Variants in NCAPD3 observed in about 807,000 individuals in gnomAD.
NCAPD3 encodes non-SMC condensin II complex subunit D3, also known as condensin-2 complex subunit D3.
In NCAPD3, 105 loss-of-function variants were observed where a neutral mutation model predicts 182.9. That is an observed-to-expected ratio of 0.57 (90% CI 0.49 to 0.68). The LOEUF is 0.68. NCAPD3 is among the 30% of genes least tolerant of loss of function. The pLI is 0.00. For missense variants in NCAPD3, 1,944 were observed against 1,837.0 expected, an observed-to-expected ratio of 1.06 and a Z score of -1.07; for synonymous variants, 815 against 679.9, an observed-to-expected ratio of 1.20 and a Z score of -3.09.
At chr11:134,187,733 C>T (rs373716152) in intron 16 of NCAPD3, among the ~76,000 whole-genome samples, 181 of 152,304 alleles carry the variant, frequency 1.2e-3, no homozygotes, top group African/African-American at 4.3e-3. Flanking sequence ...CCTCTGTTCT[C>T]CTGTAGCTCC....
intron 13 of NCAPD3, among the ~76,000 whole-genome samples, chr11:134,197,321 G>A (rs1944653213): frequency 1.5e-5 from 2 of 135,954 alleles, no homozygotes; most frequent in Admixed American, 8.2e-5. Flanking sequence ...CTGCTGCCCA[G>A]GATGGAGTGC....
At chr11:134,219,981 A>G (rs1471647214) in intron 2 of NCAPD3, among the ~76,000 whole-genome samples, 2 of 151,972 alleles carry the variant, frequency 1.3e-5, no homozygotes, top group African/African-American at 4.8e-5. Flanking sequence ...TTTTTAGTAG[A>G]GATGGGGTTT....
intron 13 of NCAPD3, among the ~76,000 whole-genome samples, chr11:134,196,645 C>CAAAAAAAAAAAAAAAAAAAAAA (rs998502328): frequency 1.7e-5 from 1 of 57,886 alleles, no homozygotes; most frequent in Non-Finnish European, 3.4e-5. Context: ...AACTCCATCT[C>CAAAAAAAAAAAAAAAAAAAAAA]AAAAAAAAAA....
chr11:134,218,480 C>T (rs1230707675), intron 2 of NCAPD3, among the ~76,000 whole-genome samples: 1 of 152,184 alleles, frequency 6.6e-6, no homozygotes, highest in Non-Finnish European at 1.5e-5. Flanking sequence ...TGTTAAACTT[C>T]CCAAGGATCT....
chr11:134,225,454 T>G, upstream of NCAPD3: 1 of 1,119,636 alleles, frequency 8.9e-7, no homozygotes, highest in Non-Finnish European at 1.3e-6. Context: ...GCTTGTCAAC[T>G]GCAGTCTGAG....
At chr11:134,194,860 C>A (rs1944594729) in intron 13 of NCAPD3, 122 bp from the exon 14 acceptor site, 3 of 571,404 alleles carry the variant, frequency 5.3e-6, no homozygotes, top group Non-Finnish European at 9.0e-6. Context: ...GTTTTAAATC[C>A]TAAGAAATGA....
rs756136685 is a variant in NCAPD3, at chr11:134,167,976, TAGG to T, written c.3573+17_3573+19del. On this transcript the variant is annotated intron_variant, in intron 27 of 34. Coordinates refer to ENST00000534548, the MANE Select transcript of NCAPD3 (RefSeq NM_015261.3). ...ACACTCACTTGTGAGAAGATGATCT[TAGG>T]GGAGCAACACACTCACTTGTGAGAT... 68 of 1,610,858 alleles carry T rather than the reference TAGG, an allele frequency of 4.2e-5. No homozygotes were observed. The highest frequency in any genetic ancestry group is 1.5e-4 in the Admixed American group (9 of 59,850).
At position 134,152,032 on chromosome 11, in the gene NCAPD3, T is replaced by C. The variant is rs1460346072; in HGVS notation, c.*912A>G. 1.3e-5 allele frequency: 2 copies of C among 152,254 alleles called. No individual in the cohort carries two copies. The highest frequency in any genetic ancestry group is 3.9e-4 in the East Asian group (2 of 5,194). The allele number at this position is 152,254 out of a possible 1,614,324, so 9.4% of individuals were successfully genotyped here. A position where few individuals can be genotyped will look rare whatever the true frequency, so the allele number is the denominator to read the frequency against. On this transcript the variant is annotated 3_prime_UTR_variant, in exon 35 of 35. Coordinates refer to ENST00000534548, the MANE Select transcript of NCAPD3 (RefSeq NM_015261.3). Reference sequence around the variant, plus strand: ...CAACGCACATCATCACTTTGTACTTTTGCTTTTGTAATACTGGGATTAAAA... The same window carrying C: ...CAACGCACATCATCACTTTGTACTTCTGCTTTTGTAATACTGGGATTAAAA...
intron 27 of NCAPD3, among the ~76,000 whole-genome samples, chr11:134,162,547 T>A (rs1943615636): frequency 6.6e-6 from 1 of 152,232 alleles, no homozygotes; most frequent in Non-Finnish European, 1.5e-5. Context: ...CTCCTGAAGC[T>A]GAAACTACTC....
At chr11:134,206,282 T>C (rs549335199) in intron 8 of NCAPD3, among the ~76,000 whole-genome samples, 19 of 151,932 alleles carry the variant, frequency 1.3e-4, no homozygotes, top group African/African-American at 3.9e-4. Context: ...CTGGCTGCAA[T>C]GAAGCAGACA....
intron 27 of NCAPD3, 59 bp from the exon 28 acceptor site, chr11:134,161,950 CCTT>C (rs1943594605): frequency 2.3e-6 from 2 of 880,212 alleles, no homozygotes; most frequent in Non-Finnish European, 3.5e-6. Flanking sequence ...ACAGGCCTCT[CCTT>C]GATCTAGTTC....
chr11:134,194,138 T>C lies in NCAPD3; in HGVS notation c.1702A>G (p.Ile568Val), dbSNP rs1402076302. ...CCTGAGACATCACAGTGTTTCAAAA[T>C]ACTCACTAATACCTAGAAGGCATAG... ...RKSALQVLVS[I>V]LKHCDVSGMK... The change falls in exon 15 of 35, where the codon ATT (isoleucine) becomes GTT (valine). Residue 568 changes from isoleucine to valine, a missense_variant. Physicochemically the swap from Ile to Val is conservative, Grantham distance 29. Coordinates refer to ENST00000534548, the MANE Select transcript of NCAPD3 (RefSeq NM_015261.3). The C allele has an allele frequency of 3.1e-6, 5 of 1,613,932 alleles. No individual in the cohort carries two copies. The highest frequency in any genetic ancestry group is 4.2e-6 in the Non-Finnish European group (5 of 1,179,970).
Position 134,181,109 on chromosome 11 carries a change from TCTC to T in NCAPD3, c.2524_2526del (p.Glu842del). On this transcript the variant is annotated inframe_deletion, in exon 20 of 35. Transcript: ENST00000534548. ...TCTTCGTCCATATTCCCTGTTCCAT[TCTC>T]CTTGAGAACGATGTTGGAGAGGCGG... 1 of 1,614,088 alleles carries T rather than the reference TCTC, an allele frequency of 6.2e-7. No individual in the cohort carries two copies. Among genetic ancestry groups the T allele is most frequent in the Non-Finnish European group, 8.5e-7 (1 of 1,179,980 alleles).
rs759803210 is a variant in NCAPD3, at chr11:134,169,058, C to A, written c.3102-4G>T. On this transcript the variant is annotated splice_region_variant and splice_polypyrimidine_tract_variant and intron_variant, in intron 24 of 34. Coordinates refer to ENST00000534548, the MANE Select transcript of NCAPD3 (RefSeq NM_015261.3). ...AGCCAGGCAAAACTCCCCGAAGCTG[C>A]AAAGGTGAGAGAAACAAAGAGGGAG... 2 of 1,612,266 alleles carry A rather than the reference C, an allele frequency of 1.2e-6. No homozygotes were observed. Among genetic ancestry groups the A allele is most frequent in the South Asian group, 2.2e-5 (2 of 90,664 alleles).
chr11:134,198,058 T>C (rs1403812867), intron 13 of NCAPD3, among the ~76,000 whole-genome samples: 3 of 152,186 alleles, frequency 2.0e-5, no homozygotes, highest in African/African-American at 4.8e-5. Flanking sequence ...TCTCCAACCA[T>C]CTGAATGGAC....
chr11:134,161,020 C>G (rs1943563140), intron 28 of NCAPD3, among the ~76,000 whole-genome samples: 1 of 151,208 alleles, frequency 6.6e-6, no homozygotes. Flanking sequence ...TTATTTTTAT[C>G]ATACAATGAG....
At chr11:134,188,873 C>A (rs1236899539) in intron 16 of NCAPD3, among the ~76,000 whole-genome samples, 2 of 152,146 alleles carry the variant, frequency 1.3e-5, no homozygotes, top group African/African-American at 4.8e-5. Flanking sequence ...AATGCGGACA[C>A]AGAATGAGAC....
chr11:134,184,808 TATACACACACACACACAC>T (rs1944366785), intron 18 of NCAPD3, 56 bp from the exon 19 acceptor site: 5 of 954,926 alleles, frequency 5.2e-6, no homozygotes, highest in South Asian at 1.5e-5. Context: ...TTCAGGTATA[TATACACACACACACACAC>T]ACACACACAC....
Position 134,163,788 on chromosome 11 carries a change from C to T in NCAPD3, c.3574-1897G>A, listed in dbSNP as rs1396965044. 2.9e-5 allele frequency among the ~76,000 whole-genome samples: 4 copies of T among 137,380 alleles called. No homozygotes were observed. The East Asian group carries it at 6.6e-4, about 23-fold the overall frequency. The allele number at this position is 137,380 out of a possible 152,430, so 90.1% of individuals were successfully genotyped here. On this transcript the variant is annotated intron_variant, in intron 27 of 34. Coordinates refer to ENST00000534548, the MANE Select transcript of NCAPD3 (RefSeq NM_015261.3). Reference sequence around the variant, plus strand: ...TCGGGAGGCTGAGGCAGGAGAATGGCGTGAACCTGGGAGGCGGAGCTTGCA... The same window carrying T: ...TCGGGAGGCTGAGGCAGGAGAATGGTGTGAACCTGGGAGGCGGAGCTTGCA...
Sources: allele counts gnomAD v4.1 joint callset (sites outside exome capture counted in the v4.1 genomes callset), GRCh38; gene constraint gnomAD v4.1.1; transcripts MANE v1.5; gene names NCBI Gene and HGNC (gene_info 2026-07-23, HGNC 2026-07-21).